The following MACROD2 variants were observed in gnomAD, a reference collection of about 807,000 sequenced individuals.
The protein encoded by MACROD2 is mono-ADP ribosylhydrolase 2.
Under a neutral mutation model 70.4 loss-of-function variants are expected in MACROD2, and 36 were observed. The observed-to-expected ratio is 0.51, with a 90% CI of 0.39 to 0.68. MACROD2 has a LOEUF of 0.68. MACROD2 is among the 30% of genes least tolerant of loss of function. The pLI, the probability that MACROD2 is intolerant of heterozygous loss-of-function variation, is 0.00. For missense variants in MACROD2, 496 were observed against 538.4 expected (o/e 0.92, Z 0.78); for synonymous variants, 172 against 178.8 (o/e 0.96, Z 0.30).
chr20:15,332,581 TGTTCTTACAGCCCCTTTGAAAGAGGCC>T (rs143059867), intron 6 of MACROD2, among the ~76,000 whole-genome samples: 68,000 of 151,390 alleles, frequency 0.45, 15,832 homozygotes, highest in Non-Finnish European at 0.47. Flanking sequence ...GGAAAGAGGC[TGTTCTTACAGCCCCTTTGAAAGAGGCC>T]GTTCCTACAG....
At chr20:14,765,997 G>C (rs2072083100) in intron 5 of MACROD2, among the ~76,000 whole-genome samples, 1 of 152,026 alleles carries the variant, frequency 6.6e-6, no homozygotes, top group South Asian at 2.1e-4. Context: ...ACATTACATT[G>C]CCTTCCTCTT....
At chr20:14,365,561 A>G (rs887962887) in intron 3 of MACROD2, among the ~76,000 whole-genome samples, 1 of 152,006 alleles carries the variant, frequency 6.6e-6, no homozygotes, top group African/African-American at 2.4e-5. Context: ...CAAAGAACCA[A>G]TTTCTTGTTT....
chr20:15,050,760 T>C (rs1264159960), intron 5 of MACROD2, among the ~76,000 whole-genome samples: 1 of 149,740 alleles, frequency 6.7e-6, no homozygotes, highest in Non-Finnish European at 1.5e-5. Flanking sequence ...CTTTAATTAA[T>C]AAAACTTGTC....
At chr20:15,369,188 A>T (rs2045456381) in intron 6 of MACROD2, among the ~76,000 whole-genome samples, 1 of 152,220 alleles carries the variant, frequency 6.6e-6, no homozygotes, top group South Asian at 2.1e-4. Context: ...CTTTGGACTA[A>T]ATATTTATTA....
chr20:14,678,477 T>A (rs1293547802), intron 4 of MACROD2, among the ~76,000 whole-genome samples: 1 of 152,162 alleles, frequency 6.6e-6, no homozygotes, highest in African/African-American at 2.4e-5. Context: ...ATAATATATA[T>A]ATTTTTGGTA....
At chr20:15,701,148 A>G (rs917784745) in intron 8 of MACROD2, among the ~76,000 whole-genome samples, 1 of 152,128 alleles carries the variant, frequency 6.6e-6, no homozygotes, top group Non-Finnish European at 1.5e-5. Flanking sequence ...TCACTGGAGC[A>G]CCTCACATTT....
chr20:14,202,923 C>A (rs1450449066), intron 3 of MACROD2, among the ~76,000 whole-genome samples: 1 of 152,040 alleles, frequency 6.6e-6, no homozygotes, highest in Non-Finnish European at 1.5e-5. Flanking sequence ...TGGCACATGC[C>A]TGTAATCCAG....
intron 4 of MACROD2, among the ~76,000 whole-genome samples, chr20:14,606,390 A>C (rs1397518342): frequency 1.3e-5 from 2 of 152,164 alleles, no homozygotes; most frequent in Non-Finnish European, 2.9e-5. Flanking sequence ...AAATATATGC[A>C]GCATGCCTAT....
intron 16 of MACROD2, among the ~76,000 whole-genome samples, chr20:16,043,771 A>T (rs1263981242): frequency 6.6e-6 from 1 of 152,062 alleles, no homozygotes; most frequent in Non-Finnish European, 1.5e-5. Context: ...AGTATGGCAA[A>T]CCAAACAGGC....
chr20:15,320,701 G>T (rs2077865140), intron 6 of MACROD2, among the ~76,000 whole-genome samples: 1 of 152,108 alleles, frequency 6.6e-6, no homozygotes, highest in African/African-American at 2.4e-5. Flanking sequence ...GGGTATTCCT[G>T]AGTAGGGAAA....
chr20:15,662,465 G>A (rs556097578), intron 8 of MACROD2, among the ~76,000 whole-genome samples: 26 of 152,196 alleles, frequency 1.7e-4, no homozygotes, highest in Middle Eastern at 3.4e-3. Flanking sequence ...CTATTTGAAA[G>A]GATAAATGAA....
chr20:15,491,224 T>C (rs997292624), intron 7 of MACROD2, among the ~76,000 whole-genome samples: 2 of 152,116 alleles, frequency 1.3e-5, no homozygotes, highest in Admixed American at 1.3e-4. Flanking sequence ...CGAAGTGAAA[T>C]ATTATGTTAC....
chr20:14,273,723 A>T lies in MACROD2; in HGVS notation c.271+187995A>T, dbSNP rs368155918. Among the ~76,000 whole-genome samples, 6 of 152,314 alleles carry T rather than the reference A, an allele frequency of 3.9e-5. No homozygotes were observed. In the East Asian group the frequency reaches 5.8e-4, roughly 15 times the overall value. ...ATTCAGGAGCTGGTTTTTTGAAAGG[A>T]TCAACACAATTGATAGACCGCTAGC... On this transcript the variant is annotated intron_variant, in intron 3 of 17. Transcript: ENST00000684519.
intron 5 of MACROD2, among the ~76,000 whole-genome samples, chr20:14,923,116 T>C (rs1229214449): frequency 6.6e-6 from 1 of 152,146 alleles, no homozygotes; most frequent in Non-Finnish European, 1.5e-5. Context: ...TCCTCCCACA[T>C]GAAACAATTT....
chr20:14,337,374 A>T (rs1257026237), intron 3 of MACROD2: 1 of 343,780 alleles, frequency 2.9e-6, no homozygotes, highest in Non-Finnish European at 5.2e-6. Context: ...TTCTGGGACA[A>T]TCATAAGAAA....
intron 8 of MACROD2, among the ~76,000 whole-genome samples, chr20:15,660,128 T>A (rs1397013607): frequency 2.6e-5 from 4 of 152,066 alleles, no homozygotes; most frequent in Non-Finnish European, 5.9e-5. Flanking sequence ...GAGTGAATAA[T>A]TGAAGAAATA....
chr20:14,715,573 C>A (rs562973787), intron 5 of MACROD2, among the ~76,000 whole-genome samples: 1 of 152,168 alleles, frequency 6.6e-6, no homozygotes, highest in Non-Finnish European at 1.5e-5. Context: ...TGCAGGCAAA[C>A]GTCCTGTTGG....
At chr20:15,330,971 G>A (rs990720658) in intron 6 of MACROD2, among the ~76,000 whole-genome samples, 5 of 151,542 alleles carry the variant, frequency 3.3e-5, no homozygotes, top group South Asian at 2.1e-4. Flanking sequence ...CACTGCTGTC[G>A]TTATTTTTTT....
chr20:15,406,091 C>T (rs1289269342), intron 6 of MACROD2, among the ~76,000 whole-genome samples: 2 of 152,142 alleles, frequency 1.3e-5, no homozygotes, highest in African/African-American at 4.8e-5. Flanking sequence ...CTGGCCTTGA[C>T]AGGTCCTTTC....
Sources: allele counts gnomAD v4.1 joint callset (sites outside exome capture counted in the v4.1 genomes callset), GRCh38; gene constraint gnomAD v4.1.1; transcripts MANE v1.5; gene names NCBI Gene and HGNC (gene_info 2026-07-23, HGNC 2026-07-21).